The following SLCO3A1 variants were observed in gnomAD, a reference collection of about 807,000 sequenced individuals.
SLCO3A1 encodes the protein PGE1 transporter.
Under a neutral mutation model 63.1 loss-of-function variants are expected in SLCO3A1, and 27 were observed. That is an observed-to-expected ratio of 0.43 (90% CI 0.32 to 0.59). The LOEUF (loss-of-function observed/expected upper bound fraction) is 0.59, where lower values mean the gene tolerates loss of function less well. Among genes scored for constraint, SLCO3A1 ranks in the 20% least tolerant of loss-of-function variants. SLCO3A1 has a pLI of 0.09. For missense variants in SLCO3A1, 773 were observed against 945.8 expected (o/e 0.82, Z 2.40); for synonymous variants, 473 against 409.9 (o/e 1.15, Z -1.86).
At chr15:91,864,582 A>G (rs1897121925) in intron 1 of SLCO3A1, among the ~76,000 whole-genome samples, 1 of 150,250 alleles carries the variant, frequency 6.7e-6, no homozygotes, top group African/African-American at 2.5e-5. Flanking sequence ...ATATATATAC[A>G]TTTATATTTA....
rs933210426 is a variant in SLCO3A1 at position 91,854,448 on chromosome 15, C to T, written c.180+360C>T. ...TTCTCCTTGGAGAGGAACGAAAAAG[C>T]GTCGGGGTTTTCAGGTGACCTGCAC... is the stretch of plus-strand genomic sequence containing the variant. On this transcript the variant is annotated intron_variant, in intron 1 of 9. Coordinates refer to ENST00000318445, the MANE Select transcript of SLCO3A1 (RefSeq NM_013272.4). The surrounding 1 kb of genome is among the most constrained non-coding windows in gnomAD (Gnocchi z 6.4). 25 of 943,330 alleles carry T rather than the reference C, an allele frequency of 2.7e-5. No individual in the cohort carries two copies. The highest frequency in any genetic ancestry group is 3.2e-5 in the Non-Finnish European group (25 of 783,772). The allele number at this position is 943,330 out of a possible 1,614,324, so 58.4% of individuals were successfully genotyped here.
At chr15:91,907,506 C>G (rs1408782844) in intron 1 of SLCO3A1, among the ~76,000 whole-genome samples, 1 of 151,426 alleles carries the variant, frequency 6.6e-6, no homozygotes. Context: ...GTGCCTGGCC[C>G]AAGGAGGCCT....
At position 92,019,998 on chromosome 15, in the gene SLCO3A1, C is replaced by A. The variant is rs549312502; in HGVS notation, c.647-74883C>A. Reference sequence around the variant, plus strand: ...CCATGTGGGGGAAGCGACATGGATACAGAGCCCTGAGAGAGGGCGCTTCCA... The same window carrying A: ...CCATGTGGGGGAAGCGACATGGATAAAGAGCCCTGAGAGAGGGCGCTTCCA... On this transcript the variant is annotated intron_variant, in intron 2 of 9. Transcript: ENST00000318445. Among the ~76,000 whole-genome samples the A allele has an allele frequency of 1.5e-4, 23 of 152,278 alleles. No homozygotes were observed. The South Asian group carries it at 4.6e-3, about 30-fold the overall frequency.
chr15:92,095,086 T>A, intron 3 of SLCO3A1, 107 bp downstream of exon 3: 1 of 708,004 alleles, frequency 1.4e-6, no homozygotes. Flanking sequence ...GAGACAGTCT[T>A]GATGCCCCTG....
rs1166700843 is a variant in SLCO3A1, at chr15:91,865,686, GTCTC to G, written c.180+11606_180+11609del. Among the ~76,000 whole-genome samples, 1 of 152,060 alleles carries G rather than the reference GTCTC, an allele frequency of 6.6e-6. No homozygotes were observed. The highest frequency in any genetic ancestry group is 1.5e-5 in the Non-Finnish European group (1 of 68,026). On this transcript the variant is annotated intron_variant, in intron 1 of 9. Transcript: ENST00000318445. The surrounding 1 kb of genome is among the most constrained non-coding windows in gnomAD (Gnocchi z 4.6). Reference sequence around the variant, plus strand: ...TGCTGTCACATGGTGTTTCCCCCGCGTCTCTCTCTCTTCTTCTTCTAAGGACACC... The same window carrying G: ...TGCTGTCACATGGTGTTTCCCCCGCGTCTCTCTTCTTCTTCTAAGGACACC...
rs145897366 is a variant in SLCO3A1 at position 92,019,325 on chromosome 15, G to A, written c.647-75556G>A. On this transcript the variant is annotated intron_variant, in intron 2 of 9. Coordinates refer to ENST00000318445, the MANE Select transcript of SLCO3A1 (RefSeq NM_013272.4). ...TCAGCTTGCTCCTCTGTGACTTGGGGTAGTGAGAGCACTGATTTCATGAAA... is the reference window on the plus strand; with the variant it reads ...TCAGCTTGCTCCTCTGTGACTTGGGATAGTGAGAGCACTGATTTCATGAAA... 1.1e-3 allele frequency among the ~76,000 whole-genome samples: 164 copies of A among 152,294 alleles called. 3 individuals are homozygous for A. The East Asian group carries it at 0.03, about 27-fold the overall frequency.
intron 5 of SLCO3A1, among the ~76,000 whole-genome samples, chr15:92,124,515 G>C (rs1045431395): frequency 1.3e-5 from 2 of 151,716 alleles, no homozygotes; most frequent in African/African-American, 4.9e-5. Context: ...CTGTTCCTTA[G>C]CTCATTCATT....
chr15:91,888,826 A>G (rs1032909531), intron 1 of SLCO3A1, among the ~76,000 whole-genome samples: 1 of 151,948 alleles, frequency 6.6e-6, no homozygotes, highest in Non-Finnish European at 1.5e-5. Flanking sequence ...CTACAAAAAA[A>G]CAAAACAAAA....
chr15:92,062,158 A>T (rs2151507134), intron 2 of SLCO3A1, among the ~76,000 whole-genome samples: 1 of 152,344 alleles, frequency 6.6e-6, no homozygotes, highest in African/African-American at 2.4e-5. Flanking sequence ...AGCCTTCAAA[A>T]TCCTGTACTA....
intron 2 of SLCO3A1, among the ~76,000 whole-genome samples, chr15:92,018,249 C>G (rs2046463536): frequency 6.6e-6 from 1 of 152,188 alleles, no homozygotes. Flanking sequence ...CTTTGTTTGG[C>G]CTTGGCCAGG....
At chr15:91,947,601 A>T (rs1451114341) in intron 2 of SLCO3A1, among the ~76,000 whole-genome samples, 6 of 152,200 alleles carry the variant, frequency 3.9e-5, no homozygotes, top group Non-Finnish European at 8.8e-5. Context: ...GGGCCGACAG[A>T]TCGTTGCCTT....
At chr15:92,039,013 T>G (rs1410264272) in intron 2 of SLCO3A1, among the ~76,000 whole-genome samples, 2 of 152,184 alleles carry the variant, frequency 1.3e-5, no homozygotes, top group African/African-American at 4.8e-5. Context: ...GATTCCTTAT[T>G]TAATAAATGT....
intron 1 of SLCO3A1, among the ~76,000 whole-genome samples, chr15:91,896,200 T>C (rs1269217230): frequency 6.6e-6 from 1 of 152,206 alleles, no homozygotes; most frequent in Non-Finnish European, 1.5e-5. Context: ...TTTTCCTGTG[T>C]TGGAAGAAAT....
At chr15:91,917,444 T>A (rs1378980179) in intron 2 of SLCO3A1, among the ~76,000 whole-genome samples, 2 of 152,196 alleles carry the variant, frequency 1.3e-5, no homozygotes, top group African/African-American at 2.4e-5. Context: ...GATAGGATGG[T>A]TTGGAAGCAG....
Position 92,084,213 on chromosome 15 carries a change from CA to C in SLCO3A1, c.647-10667del, listed in dbSNP as rs139287372. On this transcript the variant is annotated intron_variant, in intron 2 of 9. Transcript: ENST00000318445. ...ATCCTTTACATGATCCTGTATTTTC[CA>C]CATTCTCTAAAAAAAGCAGAGTTTA... 4.7e-3 allele frequency among the ~76,000 whole-genome samples: 709 copies of C among 152,124 alleles called. 47 individuals carry two copies. The East Asian group carries it at 0.12, about 26-fold the overall frequency.
chr15:92,040,063 G>A (rs1261577015), intron 2 of SLCO3A1, among the ~76,000 whole-genome samples: 4 of 152,130 alleles, frequency 2.6e-5, no homozygotes, highest in African/African-American at 4.8e-5. Context: ...TGGGGGCAAG[G>A]GGAGGGAGAG....
intron 2 of SLCO3A1, among the ~76,000 whole-genome samples, chr15:92,071,660 G>A (rs2047217581): frequency 6.6e-6 from 1 of 152,200 alleles, no homozygotes; most frequent in Non-Finnish European, 1.5e-5. Flanking sequence ...GCCACTGGCA[G>A]AGCAGCAGAG....
At position 92,033,809 on chromosome 15, in the gene SLCO3A1, A is replaced by G. The variant is rs1193308580; in HGVS notation, c.647-61072A>G. On this transcript the variant is annotated intron_variant, in intron 2 of 9. Transcript: ENST00000318445. The surrounding 1 kb of genome is among the most constrained non-coding windows in gnomAD (Gnocchi z 4.5). The stretch of plus-strand genomic sequence containing the variant: ...CACTGAGGTTTTGGCATGTGTGTAA[A>G]GACATCAAGGGAGTGAGGGACAAGC... Among the ~76,000 whole-genome samples the G allele has an allele frequency of 6.6e-6, 1 of 152,200 alleles. No homozygotes were observed. Among genetic ancestry groups the G allele is most frequent in the African/African-American group, 2.4e-5 (1 of 41,448 alleles).
intron 2 of SLCO3A1, among the ~76,000 whole-genome samples, chr15:92,052,486 G>A (rs566237620): frequency 2.0e-5 from 3 of 152,248 alleles, no homozygotes; most frequent in South Asian, 4.1e-4. Flanking sequence ...TGCCAGGCTA[G>A]GGAAAGAGTT....
Sources: gnomAD v4.1 joint callset for allele counts (sites outside exome capture counted in the v4.1 genomes callset) on GRCh38, gnomAD v4.1.1 for gene constraint, Gnocchi (gnomAD v3.1) non-coding constraint, MANE v1.5 for transcripts, NCBI Gene and HGNC (gene_info 2026-07-23, HGNC 2026-07-21) for gene names.